The following USP42 variants were observed in gnomAD, a reference collection of about 807,000 sequenced individuals.
USP42 encodes the protein ubiquitin specific peptidase 42, also known as ubiquitin carboxyl-terminal hydrolase 42.
Under a neutral mutation model 113.0 loss-of-function variants are expected in USP42, and 23 were observed. That is an observed-to-expected ratio of 0.20 (90% CI 0.15 to 0.29). The LOEUF (loss-of-function observed/expected upper bound fraction) is 0.29, where lower values mean the gene tolerates loss of function less well. USP42 is among the 10% of genes least tolerant of loss of function. The pLI is 1.00. For missense variants in USP42, 2,174 were observed against 1,779.8 expected, an observed-to-expected ratio of 1.22 and a Z score of -3.99; for synonymous variants, 933 against 699.0, an observed-to-expected ratio of 1.33 and a Z score of -5.28.
At chr7:6,136,655 A>G (rs1382797214) in intron 4 of USP42, among the ~76,000 whole-genome samples, 1 of 152,210 alleles carries the variant, frequency 6.6e-6, no homozygotes, top group Non-Finnish European at 1.5e-5. Context: ...AGTTTGGTGA[A>G]TGAATACTTT....
At chr7:6,136,519 A>G (rs1287304268) in intron 4 of USP42, among the ~76,000 whole-genome samples, 2 of 152,244 alleles carry the variant, frequency 1.3e-5, no homozygotes, top group African/African-American at 4.8e-5. Context: ...ACTATTAAAA[A>G]TCAATATGTT....
intron 12 of USP42, 118 bp downstream of exon 12, chr7:6,148,010 A>G (rs1038291780): frequency 2.7e-6 from 3 of 1,125,962 alleles, no homozygotes; most frequent in African/African-American, 3.1e-5. Flanking sequence ...TTCTTCTCAC[A>G]GTTTAATCAA....
intron 15 of USP42, among the ~76,000 whole-genome samples, chr7:6,155,660 C>T (rs973493861): frequency 6.6e-6 from 1 of 152,156 alleles, no homozygotes; most frequent in Non-Finnish European, 1.5e-5. Context: ...CTGTGCCTGC[C>T]CGCCTGCCCA....
chr7:6,146,697 G>A (rs1267486585), intron 11 of USP42, among the ~76,000 whole-genome samples: 1 of 152,194 alleles, frequency 6.6e-6, no homozygotes, highest in East Asian at 1.9e-4. Context: ...TCTGCCATGT[G>A]CCTGGAGAGT....
chr7:6,081,790 A>C, the USP42 span: 2 of 152,204 alleles, frequency 1.3e-5, no homozygotes, highest in Non-Finnish European at 2.9e-5. Context: ...GTTCACGAGG[A>C]AACCTAAAGT....
rs1782519388 is a variant in USP42, at chr7:6,157,444, T to A, written c.3943+389T>A. 1.1e-6 allele frequency: 1 copy of A among 928,592 alleles called. No individual in the cohort carries two copies. Among genetic ancestry groups the A allele is most frequent in the Non-Finnish European group, 1.3e-6 (1 of 778,120 alleles). 57.5% of individuals were successfully genotyped at this position (928,592 alleles called of 1,614,324 possible). A position where few individuals can be genotyped will look rare whatever the true frequency, so the allele number is the denominator to read the frequency against. ...CGGAGTCTTGCTCTATTGCCCAGGC[T>A]GGAGTGCAGTGGCGGCGATCTCAGC... On this transcript the variant is annotated intron_variant, in intron 16 of 17. Coordinates refer to ENST00000306177, the MANE Select transcript of USP42 (RefSeq NM_032172.3). The surrounding 1 kb of genome is among the most constrained non-coding windows in gnomAD (Gnocchi z 4.1).
chr7:6,155,603 A>C (rs750474626), intron 15 of USP42, among the ~76,000 whole-genome samples: 50 of 152,014 alleles, frequency 3.3e-4, no homozygotes, highest in Non-Finnish European at 6.8e-4. Context: ...TATTTTCCTG[A>C]AATTCAGTGG....
chr7:6,131,012 G>C lies in USP42; in HGVS notation c.443-4829G>C, dbSNP rs556794274. Among the ~76,000 whole-genome samples the C allele has an allele frequency of 7.9e-5, 12 of 152,270 alleles. No homozygotes were observed. The South Asian group carries it at 2.3e-3, about 29-fold the overall frequency. On this transcript the variant is annotated intron_variant, in intron 3 of 17. Transcript: ENST00000306177. Reference sequence around the variant, plus strand: ...CCAGAGTTGCCTGGCACCTGGCCCTGAGATGATTAGGGCAGAGGAGTTTTG... The same window carrying C: ...CCAGAGTTGCCTGGCACCTGGCCCTCAGATGATTAGGGCAGAGGAGTTTTG...
chr7:6,082,239 C>T, the USP42 span, among the ~76,000 whole-genome samples: 1 of 151,858 alleles, frequency 6.6e-6, no homozygotes, highest in Non-Finnish European at 1.5e-5. Context: ...CGCCATTCTC[C>T]TGCCTCAGCC....
chr7:6,085,539 G>T, the USP42 span, among the ~76,000 whole-genome samples: 2 of 149,926 alleles, frequency 1.3e-5, no homozygotes, highest in Non-Finnish European at 2.9e-5. Context: ...TTATATAGAA[G>T]AGGGACCTGC....
Position 6,115,387 on chromosome 7 carries a change from G to T in USP42, c.306G>T (p.Lys102Asn). The T allele has an allele frequency of 6.2e-7, 1 of 1,614,076 alleles. No homozygotes were observed. Among genetic ancestry groups the T allele is most frequent in the Non-Finnish European group, 8.5e-7 (1 of 1,179,904 alleles). The change falls in exon 3 of 18, where the codon AAG (lysine) becomes AAT (asparagine). Residue 102 changes from lysine to asparagine, a missense_variant. Transcript: ENST00000306177. ...VLFPSEKICLKWQQTHRVGAG... is the reference protein window; with the variant it reads ...VLFPSEKICLNWQQTHRVGAG... ...TCCCATCTGAGAAGATTTGTCTTAA[G>T]TGGCAACAAACTCATAGAGTTGGAG...
chr7:6,107,409 CTTTT>C (rs774259719), intron 1 of USP42, among the ~76,000 whole-genome samples: 5 of 130,794 alleles, frequency 3.8e-5, no homozygotes, highest in African/African-American at 5.6e-5. Context: ...TCTTCCTTTT[CTTTT>C]TTTTTTTTTT....
the USP42 span, among the ~76,000 whole-genome samples, chr7:6,086,709 CCTTTT>C: frequency 2.1e-5 from 3 of 144,382 alleles, 1 homozygote; most frequent in African/African-American, 7.9e-5. Context: ...CCTTTCCTTT[CCTTTT>C]CCTTTTCCTT....
In USP42 at chr7:6,131,957, C is replaced by T. The variant is rs78782974; in HGVS notation, c.443-3884C>T. 3.1e-3 allele frequency among the ~76,000 whole-genome samples: 477 copies of T among 152,248 alleles called. 5 individuals carry two copies. The highest frequency in any genetic ancestry group is 5.5e-3 in the Non-Finnish European group (377 of 68,012). On this transcript the variant is annotated intron_variant, in intron 3 of 17. Transcript: ENST00000306177. ...TTAACATTATTTGTCTTTTTTGAGA[C>T]AGGCTGTCACTCTCACCCAGGCTAG...
At chr7:6,118,543 A>G (rs924692494) in intron 3 of USP42, among the ~76,000 whole-genome samples, 37 of 152,084 alleles carry the variant, frequency 2.4e-4, no homozygotes, top group Non-Finnish European at 5.3e-4. Flanking sequence ...AAGACAAGAA[A>G]AAAAAAAAAC....
rs1455350846 is a variant in USP42 at position 6,157,970 on chromosome 7, G to A, written c.3943+915G>A. ...CGCTCACCCTCGAGAGGAGCTGTGA[G>A]CCTGTTAGAAGCGGATGTCACTCGA... On this transcript the variant is annotated intron_variant, in intron 16 of 17. Coordinates refer to ENST00000306177, the MANE Select transcript of USP42 (RefSeq NM_032172.3). This position sits in a 1 kb window ranked among gnomAD's most constrained non-coding sequence, Gnocchi z 4.1. Among the ~76,000 whole-genome samples the A allele has an allele frequency of 6.6e-6, 1 of 152,230 alleles. No individual in the cohort carries two copies. Among genetic ancestry groups the A allele is most frequent in the Non-Finnish European group, 1.5e-5 (1 of 68,048 alleles).
chr7:6,132,191 G>A (rs1402492152), intron 3 of USP42, among the ~76,000 whole-genome samples: 1 of 152,150 alleles, frequency 6.6e-6, no homozygotes, highest in Non-Finnish European at 1.5e-5. Context: ...TTCCCAAAGT[G>A]CTGAGATTAC....
chr7:6,133,839 T>C (rs1458839192), intron 3 of USP42, among the ~76,000 whole-genome samples: 3 of 151,904 alleles, frequency 2.0e-5, no homozygotes, highest in Admixed American at 2.0e-4. Context: ...TCCCAGAGAT[T>C]GTACTCTTCA....
intron 3 of USP42, among the ~76,000 whole-genome samples, chr7:6,122,846 T>G (rs975457719): frequency 3.7e-4 from 56 of 151,798 alleles, no homozygotes; most frequent in African/African-American, 1.3e-3. Flanking sequence ...TCAAGACAGT[T>G]GTCTTGAACT....
Sources: gnomAD v4.1 joint callset for allele counts (sites outside exome capture counted in the v4.1 genomes callset) on GRCh38, gnomAD v4.1.1 for gene constraint, Gnocchi (gnomAD v3.1) non-coding constraint, MANE v1.5 for transcripts, NCBI Gene and HGNC (gene_info 2026-07-23, HGNC 2026-07-21) for gene names.